The following SLIT2 variants were observed in gnomAD, a reference collection of about 807,000 sequenced individuals.
The protein encoded by SLIT2 is slit homolog 2 protein.
In SLIT2, 41 loss-of-function variants were observed where a neutral mutation model predicts 185.7. The ratio of observed to expected loss-of-function variants is 0.22; its 90% confidence interval spans 0.17 to 0.29. SLIT2 has a LOEUF of 0.29. Ranked by LOEUF, SLIT2 falls within the 10% of genes least tolerant of loss-of-function variation. The pLI, the probability that SLIT2 is intolerant of heterozygous loss-of-function variation, is 1.00. For missense variants in SLIT2, 1,571 were observed against 1,909.0 expected (o/e 0.82, Z 3.30); for synonymous variants, 693 against 680.2 (o/e 1.02, Z -0.29).
At chr4:20,398,636 G>A (rs1333230269) in intron 4 of SLIT2, among the ~76,000 whole-genome samples, 2 of 151,730 alleles carry the variant, frequency 1.3e-5, no homozygotes, top group South Asian at 2.1e-4. Context: ...TTTTTACTCA[G>A]TCATGTATTG....
At chr4:20,391,921 G>T (rs753932191) in intron 4 of SLIT2, among the ~76,000 whole-genome samples, 1 of 152,044 alleles carries the variant, frequency 6.6e-6, no homozygotes, top group Non-Finnish European at 1.5e-5. Flanking sequence ...CCAAGTACTA[G>T]GTAAGAGGAG....
rs148978429 is a variant in SLIT2 at position 20,580,985 on chromosome 4, G to A, written c.3089-8659G>A. The stretch of plus-strand genomic sequence containing the variant: ...GAAAAAGAAAAAGGAAGAAATAGTG[G>A]CATAAGTTGAAAGTTTTATTCCCCG... On this transcript the variant is annotated intron_variant, in intron 29 of 36. Transcript: ENST00000504154. Among the ~76,000 whole-genome samples, 183 of 152,298 alleles carry A rather than the reference G, an allele frequency of 1.2e-3. 1 individual carries two copies. The highest frequency in any genetic ancestry group is 4.0e-3 in the African/African-American group (166 of 41,544).
intron 4 of SLIT2, among the ~76,000 whole-genome samples, chr4:20,408,117 T>C (rs144698425): frequency 3.3e-4 from 50 of 152,156 alleles, no homozygotes; most frequent in African/African-American, 1.2e-3. Context: ...ATACAGTGAG[T>C]TGTATGCTTA....
intron 30 of SLIT2, among the ~76,000 whole-genome samples, chr4:20,591,822 T>A (rs1253479294): frequency 6.6e-6 from 1 of 152,090 alleles, no homozygotes; most frequent in Non-Finnish European, 1.5e-5. Flanking sequence ...AAGTATAAGA[T>A]AAAGTATTAG....
At chr4:20,593,335 C>T (rs1727663573) in intron 30 of SLIT2, among the ~76,000 whole-genome samples, 1 of 152,014 alleles carries the variant, frequency 6.6e-6, no homozygotes, top group Non-Finnish European at 1.5e-5. Context: ...GTAATTTAGT[C>T]AGTATTATAT....
intron 4 of SLIT2, among the ~76,000 whole-genome samples, chr4:20,376,291 G>A (rs530580976): frequency 6.6e-6 from 1 of 151,736 alleles, no homozygotes; most frequent in African/African-American, 2.4e-5. Flanking sequence ...AAAGGCAAAT[G>A]ACATTTCAGT....
chr4:20,332,270 C>T (rs1375149704), intron 4 of SLIT2, among the ~76,000 whole-genome samples: 1 of 152,104 alleles, frequency 6.6e-6, no homozygotes, highest in African/African-American at 2.4e-5. Flanking sequence ...GTAAAATGTG[C>T]AAGTGAAGTG....
chr4:20,270,393 T>G (rs1293672044), intron 4 of SLIT2, among the ~76,000 whole-genome samples: 2 of 152,004 alleles, frequency 1.3e-5, no homozygotes, highest in African/African-American at 4.8e-5. Flanking sequence ...TTTTGCCATC[T>G]TTGACAATAT....
intron 4 of SLIT2, among the ~76,000 whole-genome samples, chr4:20,291,437 T>C (rs1287445601): frequency 7.9e-6 from 1 of 126,750 alleles, no homozygotes; most frequent in African/African-American, 3.0e-5. Context: ...TGTCTGCTCC[T>C]AAGAAACCTC....
Position 20,479,207 on chromosome 4 carries a change from A to G in SLIT2, c.468-1509A>G, listed in dbSNP as rs531356543. ...GATTGTGTCCCCTAGAGAACTTCTT[A>G]TAAATGAGATGTGTATTTCATGAGA... On this transcript the variant is annotated intron_variant, in intron 5 of 36. Coordinates refer to ENST00000504154, the MANE Select transcript of SLIT2 (RefSeq NM_004787.4). Among the ~76,000 whole-genome samples, 3 of 152,306 alleles carry G rather than the reference A, an allele frequency of 2.0e-5. No individual in the cohort carries two copies. The East Asian group carries it at 5.8e-4, about 29-fold the overall frequency.
intron 4 of SLIT2, among the ~76,000 whole-genome samples, chr4:20,374,376 G>T (rs1235318901): frequency 1.3e-5 from 2 of 152,166 alleles, no homozygotes; most frequent in African/African-American, 4.8e-5. Flanking sequence ...AAGCAAAATT[G>T]TTCTTTAATC....
At chr4:20,589,782 C>G in intron 30 of SLIT2, 45 bp downstream of exon 30, 1 of 1,430,412 alleles carries the variant, frequency 7.0e-7, no homozygotes, top group East Asian at 2.3e-5. Context: ...GGTAGGGGAC[C>G]CATTATTTTA....
At chr4:20,270,727 C>A (rs1208363656) in intron 4 of SLIT2, among the ~76,000 whole-genome samples, 1 of 151,906 alleles carries the variant, frequency 6.6e-6, no homozygotes, top group Non-Finnish European at 1.5e-5. Context: ...AGTTATATAA[C>A]TTGATGGCCT....
At chr4:20,393,710 T>C (rs998528205) in intron 4 of SLIT2, 1 of 152,024 alleles carries the variant, frequency 6.6e-6, no homozygotes, top group East Asian at 1.9e-4. Flanking sequence ...ATGCTTTCAT[T>C]TTGTCCCTTC....
At chr4:20,371,474 A>G (rs1723568311) in intron 4 of SLIT2, among the ~76,000 whole-genome samples, 1 of 152,104 alleles carries the variant, frequency 6.6e-6, no homozygotes, top group Non-Finnish European at 1.5e-5. Context: ...AAGAAGGACT[A>G]TCTTTCTTTA....
intron 3 of SLIT2, among the ~76,000 whole-genome samples, chr4:20,259,485 C>T (rs930072468): frequency 2.6e-5 from 4 of 151,628 alleles, no homozygotes; most frequent in African/African-American, 9.7e-5. Context: ...GTTTTGATGG[C>T]TTTTTATGCA....
chr4:20,302,855 G>A (rs1405003700), intron 4 of SLIT2, among the ~76,000 whole-genome samples: 1 of 152,118 alleles, frequency 6.6e-6, no homozygotes, highest in Non-Finnish European at 1.5e-5. Flanking sequence ...ACAGTTGTTT[G>A]TATCTGATTG....
At chr4:20,594,879 G>A (rs1469619734) in intron 30 of SLIT2, among the ~76,000 whole-genome samples, 2 of 152,198 alleles carry the variant, frequency 1.3e-5, no homozygotes, top group African/African-American at 4.8e-5. Flanking sequence ...CTCCTCACCT[G>A]TAGAGTGGGC....
At chr4:20,517,890 T>G (rs942064746) in intron 11 of SLIT2, among the ~76,000 whole-genome samples, 7 of 151,944 alleles carry the variant, frequency 4.6e-5, no homozygotes, top group African/African-American at 1.4e-4. Context: ...CAGCTTTTTC[T>G]TTATATGTTA....
Sources: allele counts gnomAD v4.1 joint callset (sites outside exome capture counted in the v4.1 genomes callset), GRCh38; gene constraint gnomAD v4.1.1; transcripts MANE v1.5; gene names NCBI Gene and HGNC (gene_info 2026-07-23, HGNC 2026-07-21).